The following LRRIQ3 variants were observed in gnomAD, a reference collection of about 807,000 sequenced individuals.
LRRIQ3 encodes the protein leucine-rich repeat and IQ domain-containing protein 3.
In LRRIQ3, 75 loss-of-function variants were observed where a neutral mutation model predicts 59.3. The observed-to-expected ratio is 1.26, with a 90% confidence interval of 1.05 to 1.53. The LOEUF is 1.53. Among genes scored for constraint, LRRIQ3 ranks in the 40% most tolerant of loss-of-function variants. The pLI is 0.00. For missense variants in LRRIQ3, 831 were observed against 710.0 expected (o/e 1.17, Z -1.94); for synonymous variants, 250 against 231.3 (o/e 1.08, Z -0.73).
chr1:74,041,919 C>T lies in LRRIQ3; in HGVS notation c.1012G>A (p.Asp338Asn), dbSNP rs1654060700. ...TCCAATTTTTCATCCACAATTTCAT[C>T]TTCAGACTCCTGACCTACATCAAAC... is the stretch of plus-strand genomic sequence containing the variant. The part of the protein sequence containing the change: ...HLIQKGQESE[D>N]EIVDEKLDTS... Residue 338 changes from aspartate (D) to asparagine (N), a missense_variant, in exon 7 of 8, where the codon GAT becomes AAT. By Grantham distance (23) the Asp-to-Asn change is conservative. Transcript: ENST00000354431. The T allele has an allele frequency of 6.2e-7, 1 of 1,602,416 alleles. No individual in the cohort carries two copies. The highest frequency in any genetic ancestry group is 1.3e-5 in the African/African-American group (1 of 74,882).
At chr1:74,070,629 GATAT>G (rs1018351615) in intron 6 of LRRIQ3, among the ~76,000 whole-genome samples, 1 of 151,630 alleles carries the variant, frequency 6.6e-6, no homozygotes, top group Non-Finnish European at 1.5e-5. Context: ...AACTTAAAAT[GATAT>G]ATATATGTAT....
At chr1:74,111,710 G>A (rs1315041396) in intron 4 of LRRIQ3, among the ~76,000 whole-genome samples, 1 of 152,064 alleles carries the variant, frequency 6.6e-6, no homozygotes, top group Non-Finnish European at 1.5e-5. Flanking sequence ...AGTGTTAACA[G>A]TGAATCTTTG....
chr1:74,090,455 T>C (rs886810454), intron 5 of LRRIQ3, among the ~76,000 whole-genome samples: 4 of 151,934 alleles, frequency 2.6e-5, no homozygotes, highest in Non-Finnish European at 5.9e-5. Flanking sequence ...TAAAAAGAGA[T>C]AATGATTATC....
At chr1:74,045,971 C>T (rs1020183426) in intron 6 of LRRIQ3, among the ~76,000 whole-genome samples, 11 of 152,030 alleles carry the variant, frequency 7.2e-5, no homozygotes, top group Non-Finnish European at 1.0e-4. Context: ...CACAAACAAA[C>T]GGAAAAACAT....
intron 5 of LRRIQ3, among the ~76,000 whole-genome samples, chr1:74,097,969 C>T (rs1416059338): frequency 1.3e-5 from 2 of 152,120 alleles, no homozygotes; most frequent in Non-Finnish European, 2.9e-5. Context: ...TTGTAAAGAC[C>T]ATCGATGCTA....
chr1:74,144,300 A>G (rs1269808151), intron 4 of LRRIQ3: 1 of 190,384 alleles, frequency 5.3e-6, no homozygotes, highest in Non-Finnish European at 1.2e-5. Context: ...CACATATCAA[A>G]TACTCCCCAA....
At chr1:74,074,588 A>T in intron 6 of LRRIQ3, 73 bp downstream of exon 6, 2 of 690,420 alleles carry the variant, frequency 2.9e-6, no homozygotes, top group Non-Finnish European at 4.1e-6. Flanking sequence ...CAACATGCCC[A>T]ATTTCTAATT....
chr1:74,177,145 T>A (rs544846074), intron 3 of LRRIQ3, among the ~76,000 whole-genome samples: 16 of 152,220 alleles, frequency 1.1e-4, no homozygotes, highest in Non-Finnish European at 2.4e-4. Context: ...CCTTCTGTGT[T>A]GCTGAACTTT....
At chr1:74,171,708 T>C (rs1649332353) in intron 3 of LRRIQ3, among the ~76,000 whole-genome samples, 1 of 152,154 alleles carries the variant, frequency 6.6e-6, no homozygotes, top group South Asian at 2.1e-4. Context: ...AATTTAAAAA[T>C]AATTGGTATT....
At chr1:74,069,871 T>C (rs112699526) in intron 6 of LRRIQ3, among the ~76,000 whole-genome samples, 9 of 152,110 alleles carry the variant, frequency 5.9e-5, no homozygotes, top group African/African-American at 2.2e-4. Flanking sequence ...CTGATAAAAA[T>C]ATTTATGTAG....
At position 74,100,828 on chromosome 1, in the gene LRRIQ3, C is replaced by T. The variant is rs372934940; in HGVS notation, c.867+8566G>A. Among the ~76,000 whole-genome samples the T allele has an allele frequency of 1.1e-4, 17 of 151,994 alleles. No homozygotes were observed. In the East Asian group the frequency reaches 3.1e-3, roughly 28 times the overall value. ...TGGGGAAAGGATTCCCTATTTAATA[C>T]ATGATGCTGGGAAAACTGGCTAGCC... On this transcript the variant is annotated intron_variant, in intron 5 of 7. Transcript: ENST00000354431.
chr1:74,194,059 A>T (rs2100747877), intron 1 of LRRIQ3, among the ~76,000 whole-genome samples: 1 of 152,198 alleles, frequency 6.6e-6, no homozygotes, highest in African/African-American at 2.4e-5. Flanking sequence ...TTAAGTAACG[A>T]CTGTTTTAAT....
At chr1:74,081,162 G>A (rs948843496) in intron 5 of LRRIQ3, among the ~76,000 whole-genome samples, 2 of 151,450 alleles carry the variant, frequency 1.3e-5, no homozygotes, top group African/African-American at 4.8e-5. Flanking sequence ...CCCTTGATAC[G>A]CAGGAGAGAA....
rs374795072 is a variant in LRRIQ3 at position 74,131,678 on chromosome 1, C to G, written c.708-22125G>C. 8.5e-5 allele frequency among the ~76,000 whole-genome samples: 13 copies of G among 152,158 alleles called. No homozygotes were observed. In the East Asian group the frequency reaches 2.5e-3, roughly 29 times the overall value. ...AGGCCTTTGACAAAATTCAACAACCCTTCATGCTAAGAACTCTCAATAAAT... is the reference window on the plus strand; with the variant it reads ...AGGCCTTTGACAAAATTCAACAACCGTTCATGCTAAGAACTCTCAATAAAT... On this transcript the variant is annotated intron_variant, in intron 4 of 7. Coordinates refer to ENST00000354431, the MANE Select transcript of LRRIQ3 (RefSeq NM_001105659.2).
chr1:74,041,956 T>TTATA, intron 6 of LRRIQ3, 23 bp from the exon 7 acceptor site: 1 of 1,541,152 alleles, frequency 6.5e-7, no homozygotes, highest in East Asian at 2.3e-5. Context: ...GAAGCAAATA[T>TTATA]TATACATTAT....
chr1:74,141,814 A>AG (rs1289823370), intron 4 of LRRIQ3, among the ~76,000 whole-genome samples: 1 of 151,840 alleles, frequency 6.6e-6, no homozygotes, highest in Admixed American at 6.6e-5. Context: ...AAATTTTCCT[A>AG]GTCCACTTTT....
intron 3 of LRRIQ3, among the ~76,000 whole-genome samples, chr1:74,168,511 T>C (rs1270665540): frequency 6.6e-6 from 1 of 152,244 alleles, no homozygotes; most frequent in African/African-American, 2.4e-5. Flanking sequence ...AACGCATAGC[T>C]GAATAAAGTT....
At chr1:74,144,578 A>C (rs779497829) in intron 4 of LRRIQ3, 1 of 280,184 alleles carries the variant, frequency 3.6e-6, no homozygotes, top group Non-Finnish European at 7.4e-6. Flanking sequence ...AGCAGCAAAA[A>C]AAACCATTTA....
chr1:74,089,331 A>G (rs1489836909), intron 5 of LRRIQ3, among the ~76,000 whole-genome samples: 1 of 152,104 alleles, frequency 6.6e-6, no homozygotes, highest in Non-Finnish European at 1.5e-5. Flanking sequence ...AACTAAAAAC[A>G]TATATTCATT....
Sources: gnomAD v4.1 joint callset for allele counts (sites outside exome capture counted in the v4.1 genomes callset) on GRCh38, gnomAD v4.1.1 for gene constraint, MANE v1.5 for transcripts, NCBI Gene and HGNC (gene_info 2026-07-23, HGNC 2026-07-21) for gene names.